Variants in ANO3 observed in about 807,000 individuals in gnomAD.
ANO3 encodes anoctamin-3.
Under a neutral mutation model 144.8 loss-of-function variants are expected in ANO3, and 99 were observed. The ratio of observed to expected loss-of-function variants is 0.68; its 90% CI spans 0.58 to 0.81. ANO3 has a LOEUF of 0.81. Among genes scored for constraint, ANO3 ranks in the 30% least tolerant of loss-of-function variants. ANO3 has a pLI of 0.00. For missense variants in ANO3, 905 were observed against 1,202.2 expected, an observed-to-expected ratio of 0.75 and a Z score of 3.66; for synonymous variants, 414 against 392.6, an observed-to-expected ratio of 1.05 and a Z score of -0.64.
chr11:26,329,327 CAG>C (rs10573538), upstream of ANO3, among the ~76,000 whole-genome samples: 5,526 of 110,216 alleles, frequency 0.05, 120 homozygotes, highest in Admixed American at 0.086. Flanking sequence ...CACACACACA[CAG>C]AGAGAGAGAG....
In ANO3 at chr11:26,442,062, C is replaced by G. The variant is rs775262252; in HGVS notation, c.191C>G (p.Ser64Cys). 17 of 1,614,172 alleles carry G rather than the reference C, an allele frequency of 1.1e-5. No individual in the cohort carries two copies. The highest frequency in any genetic ancestry group is 1.2e-5 in the Non-Finnish European group (14 of 1,180,030). Residue 64 changes from serine (S) to cysteine (C), a missense_variant, in exon 2 of 27, where the codon TCT becomes TGT. By Grantham distance (112) the Ser-to-Cys change is moderately radical (BLOSUM62 -1). Coordinates refer to ENST00000256737, the MANE Select transcript of ANO3 (RefSeq NM_031418.4). ...TSLFQSTESESQAPTSITLIS... is the reference protein window; with the variant it reads ...TSLFQSTESECQAPTSITLIS... ...CTCTTCCAGTCAACCGAGAGTGAAT[C>G]TCAGGCTCCCACATCTATAACCTTA...
intron 1 of ANO3, among the ~76,000 whole-genome samples, chr11:26,380,663 CAG>C (rs747550871): frequency 2.0e-5 from 3 of 152,078 alleles, no homozygotes; most frequent in Non-Finnish European, 4.4e-5. Flanking sequence ...TATGAATTTT[CAG>C]AGAGACACAA....
At chr11:26,477,905 C>G (rs293953) in intron 4 of ANO3, among the ~76,000 whole-genome samples, 2,778 of 152,122 alleles carry the variant, frequency 0.018, 79 homozygotes, top group African/African-American at 0.063. Context: ...GATATATGAA[C>G]AGGGATACTC....
chr11:26,525,632 C>G lies in ANO3; in HGVS notation c.693-3C>G. ...CCTTAGCTGTTTTCTATTATTTTTTCAGGAAAAAATGCTATTACACTGACG... is the reference window on the plus strand; with the variant it reads ...CCTTAGCTGTTTTCTATTATTTTTTGAGGAAAAAATGCTATTACACTGACG... On this transcript the variant is annotated splice_polypyrimidine_tract_variant and splice_region_variant and intron_variant, in intron 6 of 26. Coordinates refer to ENST00000256737, the MANE Select transcript of ANO3 (RefSeq NM_031418.4). 1 of 1,607,602 alleles carries G rather than the reference C, an allele frequency of 6.2e-7. No homozygotes were observed. The highest frequency in any genetic ancestry group is 8.5e-7 in the Non-Finnish European group (1 of 1,177,016).
chr11:26,409,585 T>C (rs1857379812), intron 1 of ANO3, among the ~76,000 whole-genome samples: 1 of 151,972 alleles, frequency 6.6e-6, no homozygotes, highest in Non-Finnish European at 1.5e-5. Flanking sequence ...CTAAATTTAC[T>C]TTATAAGTGT....
At chr11:26,331,911 T>G, upstream of ANO3, 1 of 273,582 alleles carries the variant, frequency 3.7e-6, no homozygotes, top group Non-Finnish European at 6.9e-6. Context: ...AAAGAGGGCA[T>G]CAGTATCAGC....
At position 26,598,462 on chromosome 11, in the gene ANO3, T is replaced by C; in HGVS notation, c.1530+15T>C. On this transcript the variant is annotated intron_variant, in intron 15 of 26. Coordinates refer to ENST00000256737, the MANE Select transcript of ANO3 (RefSeq NM_031418.4). Reference sequence around the variant, plus strand: ...AAGAAGAGGAGGTAAGATGTTAGGATACAAGGAAATAGGGAAACTGGGCTA... The same window carrying C: ...AAGAAGAGGAGGTAAGATGTTAGGACACAAGGAAATAGGGAAACTGGGCTA... The C allele has an allele frequency of 6.5e-7, 1 of 1,539,900 alleles. No homozygotes were observed. Among genetic ancestry groups the C allele is most frequent in the Non-Finnish European group, 8.8e-7 (1 of 1,130,696 alleles).
intron 1 of ANO3, among the ~76,000 whole-genome samples, chr11:26,222,136 G>T (rs576032971): frequency 6.6e-6 from 1 of 152,304 alleles, no homozygotes; most frequent in East Asian, 1.9e-4. Flanking sequence ...ATCAAAACAA[G>T]TTATTTATTT....
chr11:26,642,150 C>A, intron 22 of ANO3, 121 bp downstream of exon 22: 2 of 1,041,712 alleles, frequency 1.9e-6, no homozygotes, highest in Non-Finnish European at 2.8e-6. Context: ...CATTCTAAAA[C>A]ACGTCTGCAC....
intron 1 of ANO3, among the ~76,000 whole-genome samples, chr11:26,401,646 G>T (rs1857149449): frequency 6.6e-6 from 1 of 151,934 alleles, no homozygotes; most frequent in Non-Finnish European, 1.5e-5. Context: ...AGAGGCCGAG[G>T]CAAGCAAATC....
intron 1 of ANO3, among the ~76,000 whole-genome samples, chr11:26,312,756 G>C (rs1001913374): frequency 6.6e-5 from 10 of 152,082 alleles, no homozygotes; most frequent in African/African-American, 2.4e-4. Flanking sequence ...TGTCAGATAG[G>C]TAGATTGTAA....
chr11:26,550,128 A>T (rs1197547006), intron 12 of ANO3, among the ~76,000 whole-genome samples: 2 of 151,818 alleles, frequency 1.3e-5, no homozygotes, highest in Non-Finnish European at 2.9e-5. Context: ...TTTCAAGCCT[A>T]TTTCTGATTT....
At chr11:26,206,583 G>C (rs568196648) in intron 1 of ANO3, among the ~76,000 whole-genome samples, 27 of 152,230 alleles carry the variant, frequency 1.8e-4, no homozygotes, top group Middle Eastern at 6.8e-3. Context: ...ATTATTTTAA[G>C]TCTGTGATAC....
intron 5 of ANO3, among the ~76,000 whole-genome samples, chr11:26,515,458 G>A (rs1861827547): frequency 6.6e-6 from 1 of 151,892 alleles, no homozygotes; most frequent in African/African-American, 2.4e-5. Flanking sequence ...CTATGGAAAG[G>A]GTAGCCATGC....
chr11:26,536,724 A>G (rs1337009843), intron 9 of ANO3, among the ~76,000 whole-genome samples: 1 of 152,136 alleles, frequency 6.6e-6, no homozygotes, highest in Non-Finnish European at 1.5e-5. Context: ...TCAAATCACT[A>G]TTATTTACTA....
chr11:26,555,363 A>G (rs1385909686), intron 13 of ANO3, among the ~76,000 whole-genome samples: 6 of 152,192 alleles, frequency 3.9e-5, no homozygotes, highest in African/African-American at 1.2e-4. Flanking sequence ...TTTCACTTGG[A>G]CATATCTAAT....
At chr11:26,646,176 C>A (rs1853339813) in intron 23 of ANO3, among the ~76,000 whole-genome samples, 1 of 152,072 alleles carries the variant, frequency 6.6e-6, no homozygotes, top group South Asian at 2.1e-4. Context: ...TAGAATTCTG[C>A]ATTGTTTTTT....
At chr11:26,349,715 A>G (rs1379816513) in intron 1 of ANO3, among the ~76,000 whole-genome samples, 3 of 151,780 alleles carry the variant, frequency 2.0e-5, no homozygotes, top group African/African-American at 7.3e-5. Context: ...AGCCCGGCTA[A>G]TTTTTTGTAT....
intron 20 of ANO3, among the ~76,000 whole-genome samples, chr11:26,636,140 C>A (rs1327337883): frequency 6.6e-6 from 1 of 152,152 alleles, no homozygotes; most frequent in Non-Finnish European, 1.5e-5. Flanking sequence ...TTCGAGGATG[C>A]AGTGAGCCAT....
Sources: allele counts gnomAD v4.1 joint callset (sites outside exome capture counted in the v4.1 genomes callset), GRCh38; gene constraint gnomAD v4.1.1; transcripts MANE v1.5; gene names NCBI Gene and HGNC (gene_info 2026-07-23, HGNC 2026-07-21).